The following JAK1 variants were observed in gnomAD, a reference collection of about 807,000 sequenced individuals.
The protein encoded by JAK1 is tyrosine-protein kinase JAK1.
JAK1 carries 16 observed loss-of-function variants against 136.6 expected under a neutral mutation model. That is an observed-to-expected ratio of 0.12 (90% CI 0.08 to 0.18). The LOEUF (loss-of-function observed/expected upper bound fraction) is 0.18. JAK1 is among the 10% of genes least tolerant of loss of function. The pLI is 1.00. For missense variants in JAK1, 859 were observed against 1,450.1 expected (o/e 0.59, Z 6.62); for synonymous variants, 492 against 519.5 (o/e 0.95, Z 0.72).
intron 2 of JAK1, among the ~76,000 whole-genome samples, chr1:65,013,012 C>T (rs762150823): frequency 2.1e-4 from 31 of 146,084 alleles, no homozygotes; most frequent in Non-Finnish European, 4.0e-4. Context: ...AGGAGAATGG[C>T]GTGAACCTGG....
At chr1:64,839,145 C>CAAAAAAAAA (rs56058898) in intron 20 of JAK1, among the ~76,000 whole-genome samples, 1 of 59,870 alleles carries the variant, frequency 1.7e-5, no homozygotes. Context: ...GACTCCGTCT[C>CAAAAAAAAA]AAAAAAAAAA....
At chr1:65,054,406 T>C (rs77225701) in intron 1 of JAK1, among the ~76,000 whole-genome samples, 127 of 152,202 alleles carry the variant, frequency 8.3e-4, no homozygotes, top group African/African-American at 2.9e-3. Context: ...CTCTTATATA[T>C]ATGATTTTAT....
rs1386191755 is a variant in JAK1, at chr1:65,007,743, ATG to A, written c.-78+36735_-78+36736del. ...CTCCTAAAGTGCTGGGATTATAGGT[ATG>A]TTTTTTTTTTTTCTTTCTGATACAG... On this transcript the variant is annotated intron_variant, in intron 2 of 25. Coordinates refer to the JAK1 transcript ENST00000671954. 9.0e-5 allele frequency among the ~76,000 whole-genome samples: 12 copies of A among 132,632 alleles called. No individual in the cohort carries two copies. The South Asian group carries it at 1.7e-3, about 19-fold the overall frequency. 87.0% of individuals were successfully genotyped at this position (132,632 alleles called of 152,430 possible).
At chr1:64,976,036 G>A in intron 2 of JAK1, among the ~76,000 whole-genome samples, 1 of 152,180 alleles carries the variant, frequency 6.6e-6, no homozygotes, top group Admixed American at 6.5e-5. Flanking sequence ...ACAGAGTTTT[G>A]GGGACTGGAA....
chr1:64,866,788 A>G (rs1268236646), intron 7 of JAK1, 78 bp downstream of exon 7: 1 of 1,041,870 alleles, frequency 9.6e-7, no homozygotes, highest in Non-Finnish European at 1.4e-6. Context: ...ATGCAGACAG[A>G]TGACTCCAGA....
chr1:64,963,573 C>A (rs765210603), intron 1 of JAK1, among the ~76,000 whole-genome samples: 13 of 152,112 alleles, frequency 8.5e-5, no homozygotes, highest in Non-Finnish European at 1.9e-4. Context: ...CCTCAACTAC[C>A]GGTAAATCTA....
chr1:64,940,321 T>TC (rs1645866595), intron 1 of JAK1, among the ~76,000 whole-genome samples: 1 of 16,750 alleles, frequency 6.0e-5, no homozygotes, highest in Non-Finnish European at 8.0e-4. Flanking sequence ...TTTCAATTTC[T>TC]TTTTTTTTTT....
chr1:64,979,338 G>A (rs1180657243), intron 2 of JAK1, among the ~76,000 whole-genome samples: 1 of 152,216 alleles, frequency 6.6e-6, no homozygotes, highest in African/African-American at 2.4e-5. Flanking sequence ...GTTCGAGGCT[G>A]TAGTGAGCTA....
chr1:64,861,000 G>A (rs1445911466), intron 8 of JAK1, among the ~76,000 whole-genome samples: 1 of 148,718 alleles, frequency 6.7e-6, no homozygotes, highest in East Asian at 2.0e-4. Context: ...ACGCGGTGGG[G>A]GAGGCTGTGG....
rs1656766732 is a variant in JAK1, at chr1:64,867,299, T to C, written c.648-91A>G. Reference sequence around the variant, plus strand: ...AAATCTAAGTCCATGAATCCACATGTTGCCAAATGGGAAAGGGAGATCTAT... The same window carrying C: ...AAATCTAAGTCCATGAATCCACATGCTGCCAAATGGGAAAGGGAGATCTAT... On this transcript the variant is annotated intron_variant, in intron 6 of 24. Coordinates refer to ENST00000342505, the MANE Select transcript of JAK1 (RefSeq NM_002227.4). The C allele has an allele frequency of 7.6e-6, 7 of 917,632 alleles. No individual in the cohort carries two copies. In the Middle Eastern group the frequency reaches 1.0e-3, roughly 137 times the overall value. The allele number at this position is 917,632 out of a possible 1,614,324, so 56.8% of individuals were successfully genotyped here. A position where few individuals can be genotyped will look rare whatever the true frequency, so the allele number is the denominator to read the frequency against.
Position 64,844,609 on chromosome 1 carries a change from T to C in JAK1, c.2251+145A>G, listed in dbSNP as rs1328583415. The C allele has an allele frequency of 1.0e-6, 1 of 952,688 alleles. No individual in the cohort carries two copies. The highest frequency in any genetic ancestry group is 2.6e-5 in the East Asian group (1 of 38,592). 59.0% of individuals were successfully genotyped at this position (952,688 alleles called of 1,614,324 possible). ...AGAAGGCAGGAGATCAAGACCATCC[T>C]GGCCAACATGGTGAAACCCCGTCTC... On this transcript the variant is annotated intron_variant, in intron 16 of 24. Transcript: ENST00000342505. The surrounding 1 kb of genome is among the most constrained non-coding windows in gnomAD (Gnocchi z 5.7).
chr1:65,019,946 C>T (rs562779338), intron 2 of JAK1, among the ~76,000 whole-genome samples: 369 of 150,894 alleles, frequency 2.4e-3, no homozygotes, highest in Non-Finnish European at 4.5e-3. Flanking sequence ...AAGAAGAAGG[C>T]AGAGCGTGGT....
At chr1:64,841,402 C>A (rs745485052) in intron 18 of JAK1, 49 bp downstream of exon 18, 49 of 1,613,080 alleles carry the variant, frequency 3.0e-5, no homozygotes, top group Non-Finnish European at 3.9e-5. Context: ...GCCACCCAGG[C>A]TCCTGTTTCT....
intron 1 of JAK1, among the ~76,000 whole-genome samples, chr1:64,934,845 C>T (rs1176348147): frequency 6.6e-6 from 1 of 152,184 alleles, no homozygotes; most frequent in Non-Finnish European, 1.5e-5. Context: ...TTATATTTTA[C>T]TCATTTGTAT....
intron 1 of JAK1, among the ~76,000 whole-genome samples, chr1:64,916,860 T>G (rs536151124): frequency 6.8e-6 from 1 of 147,734 alleles, no homozygotes; most frequent in African/African-American, 2.5e-5. Context: ...AAAAAAAGTT[T>G]AGGAAATAGG....
chr1:64,878,084 A>C (rs1644702120), intron 4 of JAK1, among the ~76,000 whole-genome samples: 1 of 152,236 alleles, frequency 6.6e-6, no homozygotes, highest in Non-Finnish European at 1.5e-5. Context: ...CCGAGATTTC[A>C]GAGGGCTTTT....
At position 64,947,725 on chromosome 1, in the gene JAK1, G is replaced by A. The variant is rs1288199795; in HGVS notation, c.-78+18608C>T. 6.6e-5 allele frequency among the ~76,000 whole-genome samples: 10 copies of A among 151,744 alleles called. No individual in the cohort carries two copies. In the East Asian group the frequency reaches 1.9e-3, roughly 29 times the overall value. On this transcript the variant is annotated intron_variant, in intron 1 of 24. Transcript: ENST00000342505. The stretch of plus-strand genomic sequence containing the variant: ...AACAAGAATTTTTTCACCACAGATT[G>A]TTTTGGAACTTTATCTGCAGTATCA...
At chr1:64,974,630 A>T (rs921144194) in intron 2 of JAK1, 3 of 152,230 alleles carry the variant, frequency 2.0e-5, no homozygotes, top group African/African-American at 7.2e-5. Context: ...CAAGAGATGT[A>T]TTGAGGAAAA....
intron 2 of JAK1, among the ~76,000 whole-genome samples, chr1:65,036,146 T>C (rs1293157003): frequency 6.6e-6 from 1 of 151,956 alleles, no homozygotes; most frequent in Non-Finnish European, 1.5e-5. Context: ...CACAACAACA[T>C]GTATGTATTT....
Sources: allele counts gnomAD v4.1 joint callset (sites outside exome capture counted in the v4.1 genomes callset), GRCh38; gene constraint gnomAD v4.1.1; non-coding constraint Gnocchi (gnomAD v3.1); transcripts MANE v1.5; gene names NCBI Gene and HGNC (gene_info 2026-07-23, HGNC 2026-07-21).